TBC1D12: variants seen among roughly 807,000 people sequenced by gnomAD.
The protein encoded by TBC1D12 is TBC1 domain family, member 12.
In TBC1D12, 56 loss-of-function variants were observed where a neutral mutation model predicts 86.7. The observed-to-expected ratio is 0.65, with a 90% CI of 0.52 to 0.81. TBC1D12 has a LOEUF of 0.81. Ranked by LOEUF, TBC1D12 falls within the 30% of genes least tolerant of loss-of-function variation. The probability of loss-of-function intolerance (pLI) is 0.00; values close to 1 mark genes in which losing one functional copy is unlikely to be tolerated. For missense variants in TBC1D12, 1,023 were observed against 1,038.8 expected (o/e 0.98, Z 0.21); for synonymous variants, 421 against 411.7 (o/e 1.02, Z -0.27).
At position 94,421,057 on chromosome 10, in the gene TBC1D12, A is replaced by C. The variant is rs558695430; in HGVS notation, c.971+17473A>C. Among the ~76,000 whole-genome samples, 38 of 152,236 alleles carry C rather than the reference A, an allele frequency of 2.5e-4. 1 individual carries two copies. The highest frequency in any genetic ancestry group is 2.4e-3 in the Admixed American group (36 of 15,280). On this transcript the variant is annotated intron_variant, in intron 1 of 12. Coordinates refer to ENST00000225235, the MANE Select transcript of TBC1D12 (RefSeq NM_015188.2). ...ATATATATTATTATTAACTATAGTC[A>C]CTGTGCTATGCAGTAGAACACCAAA...
chr10:94,428,721 C>CT lies in TBC1D12; in HGVS notation c.972-13167dup, dbSNP rs2055178017. 2.7e-5 allele frequency among the ~76,000 whole-genome samples: 4 copies of CT among 150,808 alleles called. No individual in the cohort carries two copies. In the South Asian group the frequency reaches 6.3e-4, roughly 24 times the overall value. On this transcript the variant is annotated intron_variant, in intron 1 of 12. Coordinates refer to ENST00000225235, the MANE Select transcript of TBC1D12 (RefSeq NM_015188.2). ...TGGCCCATTTGTGTAGGTTCATTGA[C>CT]TTTTTTTTGAGACAAAAATCTCACT...
At chr10:94,437,823 G>T (rs942645955) in intron 1 of TBC1D12, among the ~76,000 whole-genome samples, 2 of 151,790 alleles carry the variant, frequency 1.3e-5, no homozygotes, top group African/African-American at 4.8e-5. Context: ...TACATCTGGT[G>T]AATTTTTTAT....
chr10:94,514,123 C>T (rs1293838814), intron 9 of TBC1D12, among the ~76,000 whole-genome samples: 1 of 151,478 alleles, frequency 6.6e-6, no homozygotes, highest in Non-Finnish European at 1.5e-5. Flanking sequence ...GGCATGTAAT[C>T]CCAGCATTTG....
At chr10:94,413,024 T>TA (rs555473008) in intron 1 of TBC1D12, among the ~76,000 whole-genome samples, 122 of 152,364 alleles carry the variant, frequency 8.0e-4, no homozygotes, top group African/African-American at 2.7e-3. Context: ...TCCCCGACTA[T>TA]AACCACTGAA....
At chr10:94,484,621 T>C (rs180816425) in intron 3 of TBC1D12, among the ~76,000 whole-genome samples, 16 of 152,332 alleles carry the variant, frequency 1.1e-4, no homozygotes, top group Admixed American at 1.0e-3. Flanking sequence ...TTGTTTTTTC[T>C]ATTTCTGTGA....
intron 2 of TBC1D12, among the ~76,000 whole-genome samples, chr10:94,449,578 G>C (rs1019292788): frequency 9.2e-5 from 14 of 152,254 alleles, no homozygotes; most frequent in South Asian, 2.1e-4. Flanking sequence ...AGTAGAGGTG[G>C]GGAGTTTTTC....
At chr10:94,419,593 C>A (rs763253195) in intron 1 of TBC1D12, among the ~76,000 whole-genome samples, 1 of 151,982 alleles carries the variant, frequency 6.6e-6, no homozygotes, top group Non-Finnish European at 1.5e-5. Context: ...TCCATGAATC[C>A]GGGAGGCAGA....
intron 3 of TBC1D12, among the ~76,000 whole-genome samples, chr10:94,489,400 G>A (rs142332487): frequency 7.4e-4 from 113 of 152,316 alleles, no homozygotes; most frequent in Non-Finnish European, 1.5e-3. Flanking sequence ...GAGGGGTGGT[G>A]TTGGCAATTT....
At chr10:94,520,862 T>C (rs1332992859) in intron 9 of TBC1D12, among the ~76,000 whole-genome samples, 2 of 151,994 alleles carry the variant, frequency 1.3e-5, no homozygotes, top group Non-Finnish European at 2.9e-5. Context: ...GGTTTCACCA[T>C]GTTAGCCAGG....
intron 2 of TBC1D12, among the ~76,000 whole-genome samples, chr10:94,462,536 T>C (rs2055745970): frequency 6.6e-6 from 1 of 152,208 alleles, no homozygotes; most frequent in African/African-American, 2.4e-5. Flanking sequence ...TGGAAGTTTT[T>C]TGTTGTTGAG....
intron 3 of TBC1D12, among the ~76,000 whole-genome samples, chr10:94,492,264 G>C (rs1564974708): frequency 6.6e-6 from 1 of 152,108 alleles, no homozygotes; most frequent in Non-Finnish European, 1.5e-5. Context: ...TGGAGGTCTT[G>C]GAACATAACT....
intron 3 of TBC1D12, among the ~76,000 whole-genome samples, chr10:94,480,885 A>T (rs1249992059): frequency 6.6e-6 from 1 of 151,814 alleles, no homozygotes; most frequent in Non-Finnish European, 1.5e-5. Context: ...TCAAAAAAAA[A>T]AAAAGACTTG....
intron 6 of TBC1D12, among the ~76,000 whole-genome samples, chr10:94,505,918 A>G (rs1342958112): frequency 1.3e-5 from 2 of 152,142 alleles, no homozygotes; most frequent in Admixed American, 6.5e-5. Flanking sequence ...AGGATTATAT[A>G]TTTATGTATA....
chr10:94,517,656 AATC>A (rs1317410581), intron 9 of TBC1D12, among the ~76,000 whole-genome samples: 1 of 152,180 alleles, frequency 6.6e-6, no homozygotes, highest in East Asian at 1.9e-4. Flanking sequence ...CAGTCAGTCA[AATC>A]ACACTTACTT....
intron 1 of TBC1D12, among the ~76,000 whole-genome samples, chr10:94,408,599 C>CT (rs774594964): frequency 6.6e-6 from 1 of 152,058 alleles, no homozygotes; most frequent in Non-Finnish European, 1.5e-5. Context: ...CAGCCACGTC[C>CT]TTTTTTCCAC....
chr10:94,504,329 C>T (rs991745910), intron 6 of TBC1D12, among the ~76,000 whole-genome samples: 1 of 152,142 alleles, frequency 6.6e-6, no homozygotes, highest in Non-Finnish European at 1.5e-5. Flanking sequence ...ATACTATAAT[C>T]AAAAGGTTCG....
At chr10:94,467,675 G>C (rs2055845185) in intron 2 of TBC1D12, among the ~76,000 whole-genome samples, 2 of 151,724 alleles carry the variant, frequency 1.3e-5, no homozygotes, top group South Asian at 4.2e-4. Context: ...AACCTTCAAT[G>C]CATGTCCTGA....
intron 9 of TBC1D12, among the ~76,000 whole-genome samples, chr10:94,512,505 T>C (rs1589669003): frequency 6.6e-6 from 1 of 152,242 alleles, no homozygotes; most frequent in Non-Finnish European, 1.5e-5. Flanking sequence ...TCAACAAATA[T>C]TTATTGTGCT....
chr10:94,500,882 C>G (rs2056386428), intron 6 of TBC1D12, among the ~76,000 whole-genome samples: 1 of 151,798 alleles, frequency 6.6e-6, no homozygotes, highest in African/African-American at 2.4e-5. Flanking sequence ...ATAGCGAAAC[C>G]CTGTCTCTAG....
Sources: allele counts gnomAD v4.1 joint callset (sites outside exome capture counted in the v4.1 genomes callset), GRCh38; gene constraint gnomAD v4.1.1; transcripts MANE v1.5; gene names NCBI Gene and HGNC (gene_info 2026-07-23, HGNC 2026-07-21).